The following POU6F2 variants were observed in gnomAD, a reference collection of about 807,000 sequenced individuals.
POU6F2 encodes the protein POU domain, class 6, transcription factor 2.
A neutral mutation model predicts 71.3 loss-of-function variants in POU6F2; 31 were observed. The ratio of observed to expected loss-of-function variants is 0.43; its 90% CI spans 0.33 to 0.59. POU6F2 has a LOEUF of 0.59. Among genes scored for constraint, POU6F2 ranks in the 20% least tolerant of loss-of-function variants. POU6F2 has a pLI of 0.04. For synonymous variants in POU6F2, 347 were observed against 355.7 expected, an observed-to-expected ratio of 0.98 and a Z score of 0.27; for missense variants, 783 against 856.8, an observed-to-expected ratio of 0.91 and a Z score of 1.07.
At chr7:39,074,499 A>G (rs1347906832) in intron 1 of POU6F2, among the ~76,000 whole-genome samples, 1 of 152,112 alleles carries the variant, frequency 6.6e-6, no homozygotes, top group Admixed American at 6.5e-5. Context: ...AAAAAAATCT[A>G]AATTTAAAAA....
At chr7:39,320,184 A>C (rs1785354714) in intron 4 of POU6F2, among the ~76,000 whole-genome samples, 1 of 152,196 alleles carries the variant, frequency 6.6e-6, no homozygotes, top group South Asian at 2.1e-4. Context: ...GACTGAAGAG[A>C]ATAAAAACCA....
intron 4 of POU6F2, among the ~76,000 whole-genome samples, chr7:39,338,550 A>G (rs2237413): frequency 0.27 from 41,370 of 152,050 alleles, 6,741 homozygotes; most frequent in East Asian, 0.59. Context: ...GTGAGATCAC[A>G]GAATTGGTAT....
chr7:39,350,177 T>TA (rs1786113528), intron 5 of POU6F2, among the ~76,000 whole-genome samples: 1 of 152,002 alleles, frequency 6.6e-6, no homozygotes. Flanking sequence ...TTAACTGTCA[T>TA]AAAAAAGAAG....
At chr7:39,275,725 C>G (rs1408518676) in intron 4 of POU6F2, among the ~76,000 whole-genome samples, 1 of 152,154 alleles carries the variant, frequency 6.6e-6, no homozygotes, top group Non-Finnish European at 1.5e-5. Context: ...TGGAACAGAA[C>G]AGAGCCCTCA....
At chr7:39,124,406 T>G (rs1472900639) in intron 2 of POU6F2, among the ~76,000 whole-genome samples, 2 of 152,208 alleles carry the variant, frequency 1.3e-5, no homozygotes, top group East Asian at 3.9e-4. Flanking sequence ...AAGTTGTATT[T>G]GGTGATCAAC....
chr7:39,417,650 T>TTGCACACACAAACAGGAAAAAAAAA (rs1562822292), intron 6 of POU6F2, among the ~76,000 whole-genome samples: 3 of 152,058 alleles, frequency 2.0e-5, no homozygotes, highest in African/African-American at 7.2e-5. Context: ...GGAAAAAAAA[T>TTGCACACACAAACAGGAAAAAAAAA]GTTGCACACT....
intron 4 of POU6F2, among the ~76,000 whole-genome samples, chr7:39,296,096 A>G (rs187285499): frequency 1.3e-5 from 2 of 152,366 alleles, no homozygotes; most frequent in East Asian, 3.9e-4. Context: ...AGAGATATCT[A>G]TTAAGCTTAT....
chr7:39,402,426 T>C (rs1159562546), intron 5 of POU6F2, among the ~76,000 whole-genome samples: 1 of 152,168 alleles, frequency 6.6e-6, no homozygotes, highest in Admixed American at 6.5e-5. Flanking sequence ...TTGCAAATCT[T>C]TTTCCTGCAT....
In POU6F2 at chr7:39,433,298, C is replaced by T. The variant is rs750858716; in HGVS notation, c.1320+15C>T. On this transcript the variant is annotated intron_variant, in intron 7 of 9. Coordinates refer to ENST00000518318, the MANE Select transcript of POU6F2 (RefSeq NM_001370959.1). ...CCGGCCAGCAGGTAAATGTTCCAGG[C>T]CAAGGCAGCCATGGCACAGGACACT... is the stretch of plus-strand genomic sequence containing the variant. 54 of 1,613,552 alleles carry T rather than the reference C, an allele frequency of 3.3e-5. No individual in the cohort carries two copies. The highest frequency in any genetic ancestry group is 4.5e-5 in the Non-Finnish European group (53 of 1,179,670).
At chr7:39,193,041 A>T (rs1279331711) in intron 2 of POU6F2, among the ~76,000 whole-genome samples, 1 of 152,068 alleles carries the variant, frequency 6.6e-6, no homozygotes, top group Non-Finnish European at 1.5e-5. Context: ...TATAATGTAG[A>T]TTCTGATTTG....
intron 1 of POU6F2, among the ~76,000 whole-genome samples, chr7:38,991,589 G>T (rs1788604642): frequency 6.6e-6 from 1 of 152,148 alleles, no homozygotes. Context: ...ATACAGAATT[G>T]CTCCTCGCAT....
intron 4 of POU6F2, among the ~76,000 whole-genome samples, chr7:39,213,817 G>T (rs1466042519): frequency 6.6e-6 from 1 of 152,208 alleles, no homozygotes; most frequent in African/African-American, 2.4e-5. Flanking sequence ...CATCACGGAG[G>T]TTCCTTGATT....
intron 1 of POU6F2, among the ~76,000 whole-genome samples, chr7:39,067,496 GA>G (rs1183748075): frequency 6.6e-6 from 1 of 151,684 alleles, no homozygotes; most frequent in Non-Finnish European, 1.5e-5. Flanking sequence ...ACAAATTCTA[GA>G]AAAAATATTT....
chr7:39,166,823 T>C (rs1391193368), intron 2 of POU6F2, among the ~76,000 whole-genome samples: 2 of 152,182 alleles, frequency 1.3e-5, no homozygotes, highest in Non-Finnish European at 1.5e-5. Context: ...GGTGCACTTC[T>C]TGGGGGATAA....
intron 7 of POU6F2, among the ~76,000 whole-genome samples, chr7:39,439,184 G>GTTTTTTTTTTTTTTT (rs61692037): frequency 6.7e-6 from 1 of 148,314 alleles, no homozygotes. Context: ...GCAACCCCTG[G>GTTTTTTTTTTTTTTT]TTTTTTTTTT....
At chr7:39,405,852 T>A (rs1004493947) in intron 5 of POU6F2, among the ~76,000 whole-genome samples, 1 of 152,158 alleles carries the variant, frequency 6.6e-6, no homozygotes, top group African/African-American at 2.4e-5. Context: ...TCTTTCTTCC[T>A]CCCTGTTTCA....
chr7:39,074,482 C>A (rs1247987410), intron 1 of POU6F2, among the ~76,000 whole-genome samples: 2 of 150,072 alleles, frequency 1.3e-5, no homozygotes, highest in Admixed American at 1.3e-4. Context: ...TTGTCCCCCC[C>A]TCAAAAAAAA....
At chr7:39,281,425 C>T (rs747140801) in intron 4 of POU6F2, among the ~76,000 whole-genome samples, 1 of 152,062 alleles carries the variant, frequency 6.6e-6, no homozygotes, top group African/African-American at 2.4e-5. Flanking sequence ...TAACTTTGTA[C>T]CTGTTGGCCA....
In POU6F2 at chr7:39,136,827, T is replaced by TA. The variant is rs112051805; in HGVS notation, c.277+50809dup. On this transcript the variant is annotated intron_variant, in intron 2 of 9. Transcript: ENST00000518318. ...TGAGCAACATAGCAAGATCCCATCTTAAAAAAAAAAAAAGCCAGGTGTGGT... is the reference window on the plus strand; with the variant it reads ...TGAGCAACATAGCAAGATCCCATCTTAAAAAAAAAAAAAAGCCAGGTGTGGT... 3.7e-3 allele frequency among the ~76,000 whole-genome samples: 510 copies of TA among 136,696 alleles called. 2 individuals are homozygous for TA. Among genetic ancestry groups the TA allele is most frequent in the African/African-American group, 9.4e-3 (350 of 37,234 alleles). The allele number at this position is 136,696 out of a possible 152,430, so 89.7% of individuals were successfully genotyped here. A position where few individuals can be genotyped will look rare whatever the true frequency, so the allele number is the denominator to read the frequency against.
Sources: allele counts gnomAD v4.1 joint callset (sites outside exome capture counted in the v4.1 genomes callset), GRCh38; gene constraint gnomAD v4.1.1; transcripts MANE v1.5; gene names NCBI Gene and HGNC (gene_info 2026-07-23, HGNC 2026-07-21).